The following ZNF428 variants were observed in gnomAD, a reference collection of about 807,000 sequenced individuals.
ZNF428 encodes the protein enzyme-like protein PIT13.
Under a neutral mutation model 15.6 loss-of-function variants are expected in ZNF428, and 5 were observed. The observed-to-expected ratio is 0.32, with a 90% confidence interval of 0.17 to 0.67. ZNF428 has a LOEUF of 0.67. Ranked by LOEUF, ZNF428 falls within the 30% of genes least tolerant of loss-of-function variation. ZNF428 has a pLI of 0.73. For synonymous variants in ZNF428, 97 were observed against 102.2 expected (o/e 0.95, Z 0.31); for missense variants, 237 against 256.0 (o/e 0.93, Z 0.51).
At chr19:43,615,233 T>G (rs1451057064) in intron 1 of ZNF428, among the ~76,000 whole-genome samples, 1 of 152,036 alleles carries the variant, frequency 6.6e-6, no homozygotes, top group Non-Finnish European at 1.5e-5. Context: ...AGACAACAGC[T>G]AGGTGTCCCC....
At chr19:43,618,728 T>C (rs1191908904) in intron 1 of ZNF428, among the ~76,000 whole-genome samples, 1 of 152,118 alleles carries the variant, frequency 6.6e-6, no homozygotes, top group Admixed American at 6.6e-5. Context: ...TTCCATGTGA[T>C]ATTTGGGACA....
At chr19:43,616,873 G>A (rs1238143711) in intron 1 of ZNF428, among the ~76,000 whole-genome samples, 1 of 148,774 alleles carries the variant, frequency 6.7e-6, no homozygotes, top group South Asian at 2.1e-4. Flanking sequence ...GTACAGTAGC[G>A]CGATCTCAGC....
intron 2 of ZNF428, chr19:43,613,358 C>A (rs1169696061): frequency 6.5e-7 from 1 of 1,550,318 alleles, no homozygotes; most frequent in Admixed American, 2.0e-5. Flanking sequence ...GGCGAGAGAT[C>A]GCAGCCGATC....
In ZNF428 at chr19:43,608,012, C is replaced by T; in HGVS notation, c.172G>A (p.Asp58Asn). The part of the protein sequence containing the change: ...EEEEEEETTD[D>N]PEYDPGYKVK... Reference sequence around the variant, plus strand: ...TTGTAGCCAGGATCATATTCAGGATCGTCAGTGGTCTCCTCTTCCTCCTCC... The same window carrying T: ...TTGTAGCCAGGATCATATTCAGGATTGTCAGTGGTCTCCTCTTCCTCCTCC... The change falls in exon 3 of 3, where the codon GAT becomes AAT. Residue 58 changes from aspartate (D) to asparagine (N), a missense_variant. Transcript: ENST00000300811. 1.9e-6 allele frequency: 3 copies of T among 1,613,078 alleles called. No individual in the cohort carries two copies. Among genetic ancestry groups the T allele is most frequent in the Non-Finnish European group, 2.5e-6 (3 of 1,179,780 alleles).
rs969068748 is a variant in ZNF428 at position 43,612,628 on chromosome 19, G to A, written c.76+1601C>T. The A allele has an allele frequency of 1.3e-6, 2 of 1,551,436 alleles. No individual in the cohort carries two copies. The highest frequency in any genetic ancestry group is 2.7e-5 in the African/African-American group (2 of 73,022). Reference sequence around the variant, plus strand: ...CCACTTCACAGCAAAAAGGGAGCCGGGGAAAGAGTTACGGCCGGCCTAGAA... The same window carrying A: ...CCACTTCACAGCAAAAAGGGAGCCGAGGAAAGAGTTACGGCCGGCCTAGAA... On this transcript the variant is annotated intron_variant, in intron 2 of 2. Coordinates refer to ENST00000300811, the MANE Select transcript of ZNF428 (RefSeq NM_182498.4). The surrounding 1 kb of genome is among the most constrained non-coding windows in gnomAD (Gnocchi z 4.2).
Position 43,607,577 on chromosome 19 carries a change from C to T in ZNF428, c.*40G>A, listed in dbSNP as rs1568533054. ...CAATTTCCTCAGCCCCCTCCTCCCACCCCACCCCTTCTGCCAAGCTCCCCG... is the reference window on the plus strand; with the variant it reads ...CAATTTCCTCAGCCCCCTCCTCCCATCCCACCCCTTCTGCCAAGCTCCCCG... On this transcript the variant is annotated 3_prime_UTR_variant, in exon 3 of 3. Coordinates refer to ENST00000300811, the MANE Select transcript of ZNF428 (RefSeq NM_182498.4). The surrounding 1 kb of genome is among the most constrained non-coding windows in gnomAD (Gnocchi z 5.1). 4 of 1,539,454 alleles carry T rather than the reference C, an allele frequency of 2.6e-6. No homozygotes were observed. The East Asian group carries it at 6.8e-5, about 26-fold the overall frequency.
intron 2 of ZNF428, among the ~76,000 whole-genome samples, chr19:43,610,062 G>A (rs1361830693): frequency 6.6e-6 from 1 of 152,006 alleles, no homozygotes; most frequent in African/African-American, 2.4e-5. Context: ...CAACACCCCA[G>A]GCCCATACCT....
intron 2 of ZNF428, chr19:43,613,523 A>T (rs1476555171): frequency 6.4e-7 from 1 of 1,550,684 alleles, no homozygotes; most frequent in African/African-American, 1.4e-5. Context: ...TAGAAGTCCC[A>T]ACAAGGCGAG....
At chr19:43,608,429 G>T in intron 2 of ZNF428, 1 of 261,172 alleles carries the variant, frequency 3.8e-6, no homozygotes, top group Non-Finnish European at 7.2e-6. Context: ...AGAAGTTTGA[G>T]ACCAGCCTGG....
rs1973351680 is a variant in ZNF428, at chr19:43,614,451, G to A, written c.-130-17C>T. On this transcript the variant is annotated splice_polypyrimidine_tract_variant and intron_variant, in intron 1 of 2. Transcript: ENST00000300811. Reference sequence around the variant, plus strand: ...AGAGGGATGCTGGATAGGGGGAAAGGAAAGACCTGTGATGATTCAATAAAT... The same window carrying A: ...AGAGGGATGCTGGATAGGGGGAAAGAAAAGACCTGTGATGATTCAATAAAT... The A allele has an allele frequency of 6.9e-6, 10 of 1,440,060 alleles. No homozygotes were observed. Among genetic ancestry groups the A allele is most frequent in the Non-Finnish European group, 9.1e-6 (10 of 1,101,606 alleles). The allele number at this position is 1,440,060 out of a possible 1,614,324, so 89.2% of individuals were successfully genotyped here. A position where few individuals can be genotyped will look rare whatever the true frequency, so the allele number is the denominator to read the frequency against.
rs143005748 is a variant in ZNF428 at position 43,612,463 on chromosome 19, G to C, written c.76+1766C>G. The C allele has an allele frequency of 6.4e-7, 1 of 1,551,482 alleles. No homozygotes were observed. Among genetic ancestry groups the C allele is most frequent in the East Asian group, 2.4e-5 (1 of 40,902 alleles). On this transcript the variant is annotated intron_variant, in intron 2 of 2. Transcript: ENST00000300811. The surrounding 1 kb of genome is among the most constrained non-coding windows in gnomAD (Gnocchi z 4.2). ...CCAGCGACGTGAGATGCCACCAGCG[G>C]AGGGGCACACACAGCCGGGGTAGGA...
rs113768858 is a variant in ZNF428 at position 43,614,309 on chromosome 19, G to C, written c.-5C>G. The C allele has an allele frequency of 1.4e-5, 23 of 1,599,886 alleles. No individual in the cohort carries two copies. The highest frequency in any genetic ancestry group is 3.4e-5 in the Admixed American group (2 of 58,378). On this transcript the variant is annotated 5_prime_UTR_variant, in exon 2 of 3. Transcript: ENST00000300811. ...TGGCTCACGGGTCTCTGTCATGACCGGGGGAGGGGACAGGAGACAGGAGCA... is the reference window on the plus strand; with the variant it reads ...TGGCTCACGGGTCTCTGTCATGACCCGGGGAGGGGACAGGAGACAGGAGCA...
chr19:43,612,276 C>T lies in ZNF428; in HGVS notation c.76+1953G>A. ...TTAGTGCCCACCAAACCAGCGACAT[C>T]CCGTAACTCAGTCATGAGCCCAAGC... is the stretch of plus-strand genomic sequence containing the variant. On this transcript the variant is annotated intron_variant, in intron 2 of 2. Transcript: ENST00000300811. The surrounding 1 kb of genome is among the most constrained non-coding windows in gnomAD (Gnocchi z 4.2). The T allele has an allele frequency of 6.4e-7, 1 of 1,551,716 alleles. No homozygotes were observed. The highest frequency in any genetic ancestry group is 8.7e-7 in the Non-Finnish European group (1 of 1,146,998).
intron 2 of ZNF428, among the ~76,000 whole-genome samples, chr19:43,611,275 C>T (rs1400564810): frequency 2.0e-5 from 3 of 151,820 alleles, no homozygotes; most frequent in Admixed American, 1.3e-4. Context: ...CCCTGATCTC[C>T]CTCCCCAAAG....
intron 1 of ZNF428, among the ~76,000 whole-genome samples, chr19:43,616,723 C>T (rs1188264593): frequency 6.6e-6 from 1 of 152,114 alleles, no homozygotes; most frequent in Non-Finnish European, 1.5e-5. Flanking sequence ...ATGTTCCAGA[C>T]CTCTCATCTC....
chr19:43,614,415 T>G lies in ZNF428; in HGVS notation c.-111A>C, dbSNP rs533669790. 1 of 1,472,506 alleles carries G rather than the reference T, an allele frequency of 6.8e-7. No homozygotes were observed. The highest frequency in any genetic ancestry group is 1.4e-5 in the African/African-American group (1 of 70,762). The allele number at this position is 1,472,506 out of a possible 1,614,324, so 91.2% of individuals were successfully genotyped here. A position where few individuals can be genotyped will look rare whatever the true frequency, so the allele number is the denominator to read the frequency against. ...GCCACAAGTTCTCTAATACAGGATG[T>G]TGGCAGGTAGAGAGGGATGCTGGAT... is the stretch of plus-strand genomic sequence containing the variant. On this transcript the variant is annotated 5_prime_UTR_variant, in exon 2 of 3. Coordinates refer to ENST00000300811, the MANE Select transcript of ZNF428 (RefSeq NM_182498.4).
Position 43,607,703 on chromosome 19 carries a change from A to G in ZNF428, c.481T>C (p.Tyr161His). 6.2e-7 allele frequency: 1 copy of G among 1,614,012 alleles called. No homozygotes were observed. The highest frequency in any genetic ancestry group is 8.5e-7 in the Non-Finnish European group (1 of 1,179,948). ...EEEEEEEEGTYHCTECEDSFD... is the reference protein window; with the variant it reads ...EEEEEEEEGTHHCTECEDSFD... Reference sequence around the variant, plus strand: ...GAATCCTCACATTCCGTACAGTGGTAGGTTCCCTCCTCCTCCTCTTCCTCC... The same window carrying G: ...GAATCCTCACATTCCGTACAGTGGTGGGTTCCCTCCTCCTCCTCTTCCTCC... Residue 161 changes from tyrosine (Y) to histidine (H), a missense_variant, in exon 3 of 3, where the codon TAC becomes CAC. Coordinates refer to ENST00000300811, the MANE Select transcript of ZNF428 (RefSeq NM_182498.4). This position sits in a 1 kb window ranked among gnomAD's most constrained non-coding sequence, Gnocchi z 5.1.
At chr19:43,613,527 A>T in intron 2 of ZNF428, 1 of 1,551,414 alleles carries the variant, frequency 6.4e-7, no homozygotes, top group Non-Finnish European at 8.7e-7. Context: ...AGTCCCAACA[A>T]GGCGAGAGAT....
chr19:43,613,609 TCA>T, intron 2 of ZNF428: 1 of 1,547,740 alleles, frequency 6.5e-7, no homozygotes, highest in Non-Finnish European at 8.7e-7. Flanking sequence ...AAGAGAGAGA[TCA>T]CAGACGATCT....
Sources: gnomAD v4.1 joint callset for allele counts (sites outside exome capture counted in the v4.1 genomes callset) on GRCh38, gnomAD v4.1.1 for gene constraint, Gnocchi (gnomAD v3.1) non-coding constraint, MANE v1.5 for transcripts, NCBI Gene and HGNC (gene_info 2026-07-23, HGNC 2026-07-21) for gene names.